Variants in ARL6 observed in about 807,000 individuals in gnomAD.
ARL6 encodes ADP-ribosylation factor-like protein 6.
ARL6 carries 18 observed loss-of-function variants against 27.1 expected under a neutral mutation model. The ratio of observed to expected loss-of-function variants is 0.66; its 90% CI spans 0.46 to 0.98. The LOEUF is 0.98. Ranked by LOEUF, ARL6 falls within the 50% of genes least tolerant of loss-of-function variation. ARL6 has a pLI of 0.00. For missense variants in ARL6, 187 were observed against 214.9 expected, an observed-to-expected ratio of 0.87 and a Z score of 0.81; for synonymous variants, 65 against 72.3, an observed-to-expected ratio of 0.90 and a Z score of 0.51.
intron 6 of ARL6, among the ~76,000 whole-genome samples, chr3:97,789,029 A>C (rs1052384019): frequency 1.3e-5 from 2 of 152,146 alleles, no homozygotes; most frequent in African/African-American, 4.8e-5. Context: ...GGTGAACTAG[A>C]ATATGAAGCA....
chr3:97,780,500 C>G, intron 3 of ARL6, 115 bp from the exon 4 acceptor site: 1 of 841,050 alleles, frequency 1.2e-6, no homozygotes, highest in Non-Finnish European at 2.0e-6. Flanking sequence ...TGTAAATTGG[C>G]ACATGTTGAA....
At chr3:97,791,679 G>A in intron 6 of ARL6, 92 bp from the exon 7 acceptor site, 4 of 1,149,968 alleles carry the variant, frequency 3.5e-6, no homozygotes, top group South Asian at 1.3e-5. Context: ...GTTATAATGT[G>A]TTAATTCTCC....
chr3:97,785,996 A>G (rs2037438492), intron 5 of ARL6, among the ~76,000 whole-genome samples: 1 of 152,124 alleles, frequency 6.6e-6, no homozygotes, highest in Non-Finnish European at 1.5e-5. Flanking sequence ...GCTTACTGAA[A>G]TTTTTGAAAA....
chr3:97,783,828 C>G (rs941262963), intron 4 of ARL6, among the ~76,000 whole-genome samples: 3 of 151,454 alleles, frequency 2.0e-5, no homozygotes, highest in African/African-American at 7.3e-5. Context: ...ACCTCATTGG[C>G]AATTAATGAA....
chr3:97,770,842 T>A (rs1431254214), intron 2 of ARL6, among the ~76,000 whole-genome samples: 3 of 152,102 alleles, frequency 2.0e-5, no homozygotes, highest in Admixed American at 6.6e-5. Flanking sequence ...ATACATGGAT[T>A]TATTTCTGGC....
At chr3:97,769,360 A>C (rs1444075380) in intron 2 of ARL6, among the ~76,000 whole-genome samples, 4 of 151,990 alleles carry the variant, frequency 2.6e-5, no homozygotes, top group African/African-American at 4.8e-5. Context: ...TTTTTCAAAA[A>C]TTTCAATCTT....
At chr3:97,783,098 AAG>A (rs2037278110) in intron 4 of ARL6, among the ~76,000 whole-genome samples, 1 of 151,386 alleles carries the variant, frequency 6.6e-6, no homozygotes, top group Non-Finnish European at 1.5e-5. Context: ...ACAATATAAA[AAG>A]GTAATAGCAT....
Position 97,790,051 on chromosome 3 carries a change from TTGTGTG to T in ARL6, c.480-1685_480-1680del, listed in dbSNP as rs3058067. Among the ~76,000 whole-genome samples, 221 of 137,146 alleles carry T rather than the reference TTGTGTG, an allele frequency of 1.6e-3. 1 individual carries two copies. The highest frequency in any genetic ancestry group is 3.7e-3 in the Middle Eastern group (1 of 272). 90.0% of individuals were successfully genotyped at this position (137,146 alleles called of 152,430 possible). ...TTTGACTCAATCCCTGGCATCATGA[TTGTGTG>T]TGTGTGTGTGTGTGTGTGTGTGTGT... On this transcript the variant is annotated intron_variant, in intron 6 of 7. Coordinates refer to ENST00000463745, the MANE Select transcript of ARL6 (RefSeq NM_001278293.3).
At chr3:97,782,513 A>T (rs1311529096) in intron 4 of ARL6, among the ~76,000 whole-genome samples, 1 of 151,906 alleles carries the variant, frequency 6.6e-6, no homozygotes, top group Non-Finnish European at 1.5e-5. Flanking sequence ...GAAACAAAAC[A>T]AGTACATTTT....
chr3:97,781,064 A>C (rs1379849711), intron 4 of ARL6, among the ~76,000 whole-genome samples: 1 of 152,070 alleles, frequency 6.6e-6, no homozygotes, highest in African/African-American at 2.4e-5. Flanking sequence ...CTCTCTAATC[A>C]TACTTACCAT....
chr3:97,797,988 A>G, intron 7 of ARL6, 36 bp from the exon 8 acceptor site: 4 of 1,601,596 alleles, frequency 2.5e-6, no homozygotes, highest in Non-Finnish European at 3.4e-6. Flanking sequence ...TTTGCCCTAT[A>G]GAGATTGATA....
At chr3:97,783,687 TG>T (rs2037310598) in intron 4 of ARL6, among the ~76,000 whole-genome samples, 1 of 151,730 alleles carries the variant, frequency 6.6e-6, no homozygotes, top group Admixed American at 6.6e-5. Flanking sequence ...TAGGAGAAAA[TG>T]GTATATAAAA....
chr3:97,796,638 T>C (rs1179721753), intron 7 of ARL6, among the ~76,000 whole-genome samples: 1 of 152,100 alleles, frequency 6.6e-6, no homozygotes, highest in Non-Finnish European at 1.5e-5. Flanking sequence ...GATAAAAATA[T>C]TCCCATACCA....
At chr3:97,787,119 G>A (rs1393913276) in intron 5 of ARL6, among the ~76,000 whole-genome samples, 1 of 152,094 alleles carries the variant, frequency 6.6e-6, no homozygotes, top group East Asian at 1.9e-4. Context: ...ATTCATTACA[G>A]GATTGTTCAT....
intron 7 of ARL6, among the ~76,000 whole-genome samples, chr3:97,794,177 TTGTGTGTGTGTGTGTGTG>T (rs370867493): frequency 7.3e-6 from 1 of 137,382 alleles, no homozygotes; most frequent in Non-Finnish European, 1.6e-5. Flanking sequence ...TTTCTTTCTT[TTGTGTGTGTGTGTGTGTG>T]TGTGTGTGTG....
intron 5 of ARL6, among the ~76,000 whole-genome samples, chr3:97,786,724 A>C (rs2037476072): frequency 6.6e-6 from 1 of 152,214 alleles, no homozygotes; most frequent in Admixed American, 6.5e-5. Flanking sequence ...AGCTACAGGG[A>C]TATTTCTATA....
chr3:97,768,972 C>T (rs905015493), intron 2 of ARL6, among the ~76,000 whole-genome samples: 1 of 151,968 alleles, frequency 6.6e-6, no homozygotes, highest in Admixed American at 6.6e-5. Flanking sequence ...CACTTGCTCC[C>T]TTCCTACACC....
intron 5 of ARL6, among the ~76,000 whole-genome samples, chr3:97,787,334 TATATA>T (rs1348442908): frequency 1.3e-5 from 2 of 152,122 alleles, no homozygotes; most frequent in African/African-American, 2.4e-5. Flanking sequence ...ATGAAAATAA[TATATA>T]ATAATTATGT....
intron 2 of ARL6, among the ~76,000 whole-genome samples, chr3:97,776,997 CA>C (rs2036941711): frequency 6.6e-6 from 1 of 152,160 alleles, no homozygotes; most frequent in Non-Finnish European, 1.5e-5. Context: ...TAAAATTGTT[CA>C]GTTGATAACT....
Sources: gnomAD v4.1 joint callset for allele counts (sites outside exome capture counted in the v4.1 genomes callset) on GRCh38, gnomAD v4.1.1 for gene constraint, MANE v1.5 for transcripts, NCBI Gene and HGNC (gene_info 2026-07-23, HGNC 2026-07-21) for gene names.